PPFIA1: variants seen among roughly 807,000 people sequenced by gnomAD.
PPFIA1 encodes the protein PPFI scaffold protein A1.
A neutral mutation model predicts 149.9 loss-of-function variants in PPFIA1; 25 were observed. The ratio of observed to expected loss-of-function variants is 0.17; its 90% CI spans 0.12 to 0.23. The LOEUF is 0.23. PPFIA1 is among the 10% of genes least tolerant of loss of function. PPFIA1 has a pLI of 1.00. For missense variants in PPFIA1, 1,362 were observed against 1,506.5 expected (o/e 0.90, Z 1.59); for synonymous variants, 549 against 552.8 (o/e 0.99, Z 0.10).
chr11:70,328,895 G>A (rs756628685), intron 7 of PPFIA1, among the ~76,000 whole-genome samples: 4 of 152,106 alleles, frequency 2.6e-5, no homozygotes, highest in Non-Finnish European at 4.4e-5. Context: ...TTATAAATAG[G>A]GAACAACTTG....
At chr11:70,272,001 A>C (rs993310998) in intron 1 of PPFIA1, 172 bp from the exon 2 acceptor site, 1 of 747,544 alleles carries the variant, frequency 1.3e-6, no homozygotes, top group East Asian at 2.5e-5. Context: ...GTATTTTTGC[A>C]CTTAATATTT....
intron 16 of PPFIA1, 73 bp from the exon 17 acceptor site, chr11:70,354,228 T>C: frequency 4.8e-6 from 7 of 1,453,436 alleles, no homozygotes; most frequent in Non-Finnish European, 5.6e-6. Flanking sequence ...CAAAGAAGTT[T>C]ATGGCTATAA....
chr11:70,323,784 C>G (rs1454552038), intron 2 of PPFIA1, among the ~76,000 whole-genome samples: 1 of 152,162 alleles, frequency 6.6e-6, no homozygotes, highest in Non-Finnish European at 1.5e-5. Context: ...AAGTTGATTA[C>G]CCACAGTAGG....
chr11:70,285,700 T>A (rs2051066427), intron 2 of PPFIA1, among the ~76,000 whole-genome samples: 2 of 151,542 alleles, frequency 1.3e-5, no homozygotes, highest in South Asian at 4.2e-4. Context: ...AAAAAACCTC[T>A]TAACATCACC....
chr11:70,279,021 C>T (rs1039242903), intron 2 of PPFIA1: 1 of 532,772 alleles, frequency 1.9e-6, no homozygotes, highest in East Asian at 4.3e-5. Context: ...TTCTTTATCT[C>T]CACGAATGGC....
At chr11:70,366,392 T>A (rs2056938596) in intron 21 of PPFIA1, among the ~76,000 whole-genome samples, 1 of 152,240 alleles carries the variant, frequency 6.6e-6, no homozygotes, top group Non-Finnish European at 1.5e-5. Flanking sequence ...TGCCTTTGTG[T>A]TGATTTTTTA....
chr11:70,382,590 G>C (rs1470383142), intron 27 of PPFIA1, among the ~76,000 whole-genome samples: 3 of 152,074 alleles, frequency 2.0e-5, no homozygotes, highest in African/African-American at 7.2e-5. Context: ...CCAAAGTTTT[G>C]TGGTTAATTA....
At chr11:70,368,379 A>G (rs12284997) in intron 21 of PPFIA1, among the ~76,000 whole-genome samples, 6,563 of 152,258 alleles carry the variant, frequency 0.043, 520 homozygotes, top group African/African-American at 0.15. Context: ...GTTTGGACCA[A>G]ATAACAAATG....
chr11:70,271,511 C>T (rs1282849251), intron 1 of PPFIA1, among the ~76,000 whole-genome samples: 2 of 147,636 alleles, frequency 1.4e-5, no homozygotes, highest in Non-Finnish European at 3.0e-5. Context: ...GCTATATTTC[C>T]ATTGTGGATT....
intron 21 of PPFIA1, among the ~76,000 whole-genome samples, chr11:70,367,783 C>A (rs1179496896): frequency 6.6e-6 from 1 of 152,106 alleles, no homozygotes; most frequent in Non-Finnish European, 1.5e-5. Flanking sequence ...GTTTAATTTC[C>A]CCATTTAAGA....
Position 70,362,242 on chromosome 11 carries a change from A to G in PPFIA1, c.2665-46A>G, listed in dbSNP as rs776997047. On this transcript the variant is annotated intron_variant, in intron 20 of 27. Coordinates refer to ENST00000253925, the MANE Select transcript of PPFIA1 (RefSeq NM_003626.5). ...ATGTGAACTTACTGTTCTACTTTGTAGACTGTACCTCACTGTGCTGCCTTC... is the reference window on the plus strand; with the variant it reads ...ATGTGAACTTACTGTTCTACTTTGTGGACTGTACCTCACTGTGCTGCCTTC... 27 of 1,613,374 alleles carry G rather than the reference A, an allele frequency of 1.7e-5. No individual in the cohort carries two copies. In the East Asian group the frequency reaches 5.8e-4, roughly 35 times the overall value.
chr11:70,295,513 C>A (rs1303142181), intron 2 of PPFIA1, among the ~76,000 whole-genome samples: 13 of 123,396 alleles, frequency 1.1e-4, no homozygotes, highest in Non-Finnish European at 1.8e-4. Context: ...GGGGGGCTGA[C>A]CCCCCCCACC....
intron 2 of PPFIA1, among the ~76,000 whole-genome samples, chr11:70,314,251 G>A (rs181145891): frequency 6.6e-6 from 1 of 152,300 alleles, no homozygotes; most frequent in Non-Finnish European, 1.5e-5. Flanking sequence ...GCTGGCCTTT[G>A]GGTTTAGCAG....
At chr11:70,372,121 A>G (rs959514484) in intron 21 of PPFIA1, 94 bp from the exon 22 acceptor site, 15 of 1,098,960 alleles carry the variant, frequency 1.4e-5, no homozygotes, top group Admixed American at 5.9e-5. Flanking sequence ...GCCTTTGAGA[A>G]TATAGGTAAT....
At chr11:70,330,705 C>G (rs2054601061) in intron 8 of PPFIA1, among the ~76,000 whole-genome samples, 1 of 152,176 alleles carries the variant, frequency 6.6e-6, no homozygotes, top group African/African-American at 2.4e-5. Context: ...GCCTGTCATT[C>G]TAACACTTCG....
At chr11:70,341,930 A>C (rs2055356753) in intron 14 of PPFIA1, 2 of 152,628 alleles carry the variant, frequency 1.3e-5, no homozygotes, top group Admixed American at 1.3e-4. Context: ...AGCACGTTGG[A>C]ACTGCCATAG....
At chr11:70,288,104 T>G (rs1441960955) in intron 2 of PPFIA1, among the ~76,000 whole-genome samples, 1 of 151,426 alleles carries the variant, frequency 6.6e-6, no homozygotes, top group Non-Finnish European at 1.5e-5. Context: ...AGACGGAGTC[T>G]TGCTCTGTCG....
intron 2 of PPFIA1, among the ~76,000 whole-genome samples, chr11:70,289,355 TTAAAA>T (rs1432072477): frequency 1.6e-4 from 24 of 152,322 alleles, no homozygotes; most frequent in East Asian, 5.8e-4. Flanking sequence ...TACTGATTCT[TTAAAA>T]TAAAAGTTTT....
intron 19 of PPFIA1, among the ~76,000 whole-genome samples, chr11:70,359,698 GACA>G (rs1239731825): frequency 6.6e-6 from 1 of 152,186 alleles, no homozygotes; most frequent in Admixed American, 6.5e-5. Flanking sequence ...CATTATGAAA[GACA>G]ACTTTACCGT....
Sources: allele counts gnomAD v4.1 joint callset (sites outside exome capture counted in the v4.1 genomes callset), GRCh38; gene constraint gnomAD v4.1.1; transcripts MANE v1.5; gene names NCBI Gene and HGNC (gene_info 2026-07-23, HGNC 2026-07-21).